The following SDK1 variants were observed in gnomAD, a reference collection of about 807,000 sequenced individuals.
SDK1 encodes the protein protein sidekick-1.
SDK1 carries 157 observed loss-of-function variants against 245.5 expected under a neutral mutation model. The observed-to-expected ratio is 0.64, with a 90% CI of 0.56 to 0.73. The LOEUF (loss-of-function observed/expected upper bound fraction) is 0.73, where lower values mean the gene tolerates loss of function less well. Ranked by LOEUF, SDK1 falls within the 30% of genes least tolerant of loss-of-function variation. The pLI is 0.00. For missense variants in SDK1, 3,583 were observed against 3,002.3 expected (o/e 1.19, Z -4.52); for synonymous variants, 1,647 against 1,278.5 (o/e 1.29, Z -6.15).
At chr7:4,143,195 C>CAGGG (rs1779700100) in intron 28 of SDK1, among the ~76,000 whole-genome samples, 2 of 152,150 alleles carry the variant, frequency 1.3e-5, no homozygotes, top group Non-Finnish European at 2.9e-5. Context: ...CCTGGAGCTG[C>CAGGG]AGGGGCCTAA....
At chr7:3,601,759 G>T (rs1045388727) in intron 1 of SDK1, among the ~76,000 whole-genome samples, 2 of 151,542 alleles carry the variant, frequency 1.3e-5, no homozygotes, top group Admixed American at 1.3e-4. Context: ...CATGTGCCAT[G>T]TTGGTGTGCT....
intron 4 of SDK1, among the ~76,000 whole-genome samples, chr7:3,814,841 G>T (rs373529378): frequency 3.6e-4 from 55 of 151,056 alleles, no homozygotes; most frequent in African/African-American, 5.6e-4. Flanking sequence ...CCCTTGTAAG[G>T]TGGATTCCTA....
At chr7:4,012,727 C>G (rs1232913396) in intron 16 of SDK1, among the ~76,000 whole-genome samples, 1 of 151,604 alleles carries the variant, frequency 6.6e-6, no homozygotes, top group Non-Finnish European at 1.5e-5. Flanking sequence ...GCATGTGCCA[C>G]CACACCTGGC....
At chr7:3,406,294 C>G (rs73298359) in intron 1 of SDK1, among the ~76,000 whole-genome samples, 2,839 of 152,264 alleles carry the variant, frequency 0.019, 105 homozygotes, top group African/African-American at 0.065. Flanking sequence ...TAAAAACCGT[C>G]TATCTGTATC....
rs186415101 is a variant in SDK1 at position 3,527,507 on chromosome 7, G to A, written c.299-91573G>A. ...GGCCCTGAGGCTGGAGTGTCTCAGGGCCAGCAAGAAGGTCAGAGTGCCTGG... is the reference window on the plus strand; with the variant it reads ...GGCCCTGAGGCTGGAGTGTCTCAGGACCAGCAAGAAGGTCAGAGTGCCTGG... On this transcript the variant is annotated intron_variant, in intron 1 of 44. Transcript: ENST00000404826. 8.5e-5 allele frequency among the ~76,000 whole-genome samples: 13 copies of A among 152,322 alleles called. 1 individual carries two copies. Among genetic ancestry groups the A allele is most frequent in the Admixed American group, 8.5e-4 (13 of 15,306 alleles).
intron 5 of SDK1, among the ~76,000 whole-genome samples, chr7:3,903,163 G>A (rs1409280068): frequency 1.1e-5 from 1 of 87,796 alleles, no homozygotes; most frequent in Non-Finnish European, 2.3e-5. Flanking sequence ...TTTTTTTTTT[G>A]AGACAGACGA....
At chr7:3,827,294 G>A (rs773527447) in intron 5 of SDK1, among the ~76,000 whole-genome samples, 1 of 152,168 alleles carries the variant, frequency 6.6e-6, no homozygotes, top group East Asian at 1.9e-4. Context: ...CCTATTTTCA[G>A]TCCTTTCATA....
intron 1 of SDK1, among the ~76,000 whole-genome samples, chr7:3,565,289 C>T (rs954030076): frequency 2.0e-5 from 3 of 152,070 alleles, no homozygotes; most frequent in African/African-American, 7.2e-5. Context: ...ACCTTAGCTA[C>T]AAAGGAATCT....
intron 1 of SDK1, among the ~76,000 whole-genome samples, 169 bp from the exon 2 acceptor site, chr7:3,618,911 T>C (rs746431905): frequency 1.1e-4 from 17 of 152,234 alleles, no homozygotes; most frequent in South Asian, 2.1e-4. Context: ...TCTGGGGTAT[T>C]GCATGTTTCC....
chr7:3,823,239 A>G (rs541093642), intron 5 of SDK1, among the ~76,000 whole-genome samples: 3 of 152,348 alleles, frequency 2.0e-5, no homozygotes, highest in African/African-American at 7.2e-5. Context: ...GTATTATCAA[A>G]TAGATTGTTA....
At chr7:3,679,545 C>A (rs1056772327) in intron 4 of SDK1, among the ~76,000 whole-genome samples, 1 of 151,422 alleles carries the variant, frequency 6.6e-6, no homozygotes, top group Non-Finnish European at 1.5e-5. Flanking sequence ...CCAGCCTGGG[C>A]GACAGAGCGA....
intron 18 of SDK1, among the ~76,000 whole-genome samples, 190 bp from the exon 19 acceptor site, chr7:4,051,448 T>C (rs1009453585): frequency 3.1e-4 from 47 of 151,898 alleles, no homozygotes; most frequent in African/African-American, 1.1e-3. Context: ...TATACATGCT[T>C]GTATACAAAA....
rs1209510154 is a variant in SDK1, at chr7:4,221,266, T to C, written c.5729T>C (p.Leu1910Pro). 1 of 1,613,878 alleles carries C rather than the reference T, an allele frequency of 6.2e-7. No individual in the cohort carries two copies. ...TCCCCGGGCTCGCCTAGAGATGTCCTGGTCACCAAGTCCGCCTCTGAACTG... is the reference window on the plus strand; with the variant it reads ...TCCCCGGGCTCGCCTAGAGATGTCCCGGTCACCAAGTCCGCCTCTGAACTG... ...EGSPGSPRDV[L>P]VTKSASELTL... is the part of the protein sequence containing the mutation. The change falls in exon 40 of 45, where the codon CTG (leucine) becomes CCG (proline). Residue 1910 changes from leucine to proline, a missense_variant. Transcript: ENST00000404826.
intron 5 of SDK1, among the ~76,000 whole-genome samples, chr7:3,939,289 A>T (rs1182347109): frequency 6.6e-6 from 1 of 152,218 alleles, no homozygotes; most frequent in Non-Finnish European, 1.5e-5. Flanking sequence ...TGCCTTCTGG[A>T]TGATGAACTA....
intron 4 of SDK1, among the ~76,000 whole-genome samples, chr7:3,810,815 C>T (rs1779365364): frequency 6.6e-6 from 1 of 152,158 alleles, no homozygotes; most frequent in Non-Finnish European, 1.5e-5. Flanking sequence ...TGGATTTTAA[C>T]GTTCGTGGCA....
chr7:3,460,532 A>G lies in SDK1; in HGVS notation c.299-158548A>G, dbSNP rs73296749. On this transcript the variant is annotated intron_variant, in intron 1 of 44. Coordinates refer to ENST00000404826, the MANE Select transcript of SDK1 (RefSeq NM_152744.4). ...AGAAGGGAAGGAATTCGGATAATTT[A>G]TATGTCAGTGTGTCATAATAATTTA... Among the ~76,000 whole-genome samples, 623 of 152,354 alleles carry G rather than the reference A, an allele frequency of 4.1e-3. 5 individuals carry two copies. Among genetic ancestry groups the G allele is most frequent in the African/African-American group, 0.014 (601 of 41,586 alleles).
At chr7:3,735,055 A>G (rs1379720144) in intron 4 of SDK1, among the ~76,000 whole-genome samples, 1 of 152,152 alleles carries the variant, frequency 6.6e-6, no homozygotes, top group Non-Finnish European at 1.5e-5. Context: ...TGGAGAATGT[A>G]TAATTTGGAA....
intron 1 of SDK1, among the ~76,000 whole-genome samples, chr7:3,534,230 CTTTTT>C (rs140143315): frequency 6.6e-6 from 1 of 151,906 alleles, no homozygotes; most frequent in Admixed American, 6.6e-5. Context: ...GGATTTCGCT[CTTTTT>C]TTTAAGTTAA....
At chr7:4,086,333 C>G (rs577500943) in intron 22 of SDK1, among the ~76,000 whole-genome samples, 63 of 152,196 alleles carry the variant, frequency 4.1e-4, no homozygotes, top group Non-Finnish European at 6.3e-4. Context: ...GTGGCTGATA[C>G]AACATACATG....
Sources: gnomAD v4.1 joint callset for allele counts (sites outside exome capture counted in the v4.1 genomes callset) on GRCh38, gnomAD v4.1.1 for gene constraint, MANE v1.5 for transcripts, NCBI Gene and HGNC (gene_info 2026-07-23, HGNC 2026-07-21) for gene names.